Variants in PRKDC observed in about 807,000 individuals in gnomAD.
PRKDC encodes the protein DNA-dependent protein kinase catalytic subunit.
Under a neutral mutation model 486.9 loss-of-function variants are expected in PRKDC, and 82 were observed. That is an observed-to-expected ratio of 0.17 (90% CI 0.14 to 0.20). The LOEUF (loss-of-function observed/expected upper bound fraction) is 0.20. Among genes scored for constraint, PRKDC ranks in the 10% least tolerant of loss-of-function variants. PRKDC has a pLI of 1.00. For missense variants in PRKDC, 4,504 were observed against 5,038.2 expected (o/e 0.89, Z 3.21); for synonymous variants, 1,895 against 1,837.0 (o/e 1.03, Z -0.81).
chr8:47,876,541 A>C (rs2089095743), intron 40 of PRKDC, among the ~76,000 whole-genome samples: 1 of 151,950 alleles, frequency 6.6e-6, no homozygotes, highest in African/African-American at 2.4e-5. Context: ...TGTGCCTGTA[A>C]TCCCAGCTAC....
intron 25 of PRKDC, among the ~76,000 whole-genome samples, chr8:47,910,019 C>T (rs746746127): frequency 3.9e-5 from 6 of 152,132 alleles, no homozygotes; most frequent in South Asian, 2.1e-4. Flanking sequence ...TTCATATACC[C>T]GCTCCTCTTT....
intron 28 of PRKDC, 125 bp from the exon 29 acceptor site, chr8:47,898,694 T>A (rs2089627108): frequency 5.6e-6 from 3 of 535,430 alleles, no homozygotes; most frequent in Non-Finnish European, 9.0e-6. Context: ...AGATTTAATA[T>A]GTTTTCATCC....
chr8:47,793,970 C>G (rs1370777127), intron 74 of PRKDC, among the ~76,000 whole-genome samples: 4 of 152,126 alleles, frequency 2.6e-5, no homozygotes, highest in African/African-American at 4.8e-5. Flanking sequence ...AAGGAAGAGT[C>G]GTTCTGTGTA....
rs1279269668 is a variant in PRKDC at position 47,831,876 on chromosome 8, C to A, written c.8203G>T (p.Asp2735Tyr). 1.2e-6 allele frequency: 2 copies of A among 1,613,876 alleles called. No individual in the cohort carries two copies. The highest frequency in any genetic ancestry group is 1.3e-5 in the African/African-American group (1 of 74,938). The change falls in exon 60 of 86, where the codon GAC becomes TAC. Residue 2735 changes from aspartate to tyrosine, a missense_variant. Asp to Tyr is a radical substitution (Grantham distance 160). Coordinates refer to ENST00000314191, the MANE Select transcript of PRKDC (RefSeq NM_006904.7). ...TACATCAAACTGAGCTTCTCCTGGTCCCTCATAAACCGTCTGCGCAGTCGT... is the reference window on the plus strand; with the variant it reads ...TACATCAAACTGAGCTTCTCCTGGTACCTCATAAACCGTCTGCGCAGTCGT... ...LLRLRRRFMR[D>Y]QEKLSLMYAR...
intron 80 of PRKDC, among the ~76,000 whole-genome samples, chr8:47,780,681 T>C (rs139135316): frequency 1.4e-3 from 211 of 152,310 alleles, no homozygotes; most frequent in Middle Eastern, 0.01. Context: ...GGCTCAGGCC[T>C]GTAATCCCAG....
At chr8:47,850,713 T>C (rs1387473044) in intron 52 of PRKDC, among the ~76,000 whole-genome samples, 1 of 152,206 alleles carries the variant, frequency 6.6e-6, no homozygotes, top group Admixed American at 6.5e-5. Context: ...AAGCAAGTTA[T>C]AAAACAGTAT....
intron 85 of PRKDC, among the ~76,000 whole-genome samples, chr8:47,775,364 ATTTTTT>A (rs761373021): frequency 1.1e-5 from 1 of 87,574 alleles, no homozygotes; most frequent in Non-Finnish European, 2.1e-5. Flanking sequence ...TCTTTTGACC[ATTTTTT>A]TTTTTTTTTT....
At chr8:47,808,397 G>A (rs2087257979) in intron 68 of PRKDC, among the ~76,000 whole-genome samples, 1 of 152,124 alleles carries the variant, frequency 6.6e-6, no homozygotes, top group Non-Finnish European at 1.5e-5. Context: ...CCTTCTAAAG[G>A]CTGGGATTAC....
At chr8:47,925,243 CA>C in intron 21 of PRKDC, among the ~76,000 whole-genome samples, 1 of 152,334 alleles carries the variant, frequency 6.6e-6, no homozygotes, top group South Asian at 2.1e-4. Context: ...CTGACAACCA[CA>C]AAAAGATGAT....
chr8:47,919,566 T>C (rs1245572516), intron 21 of PRKDC, among the ~76,000 whole-genome samples: 1 of 152,174 alleles, frequency 6.6e-6, no homozygotes, highest in Non-Finnish European at 1.5e-5. Flanking sequence ...CTGCCGGTGG[T>C]TTAACTCCAG....
intron 76 of PRKDC, among the ~76,000 whole-genome samples, chr8:47,788,096 T>C (rs1164536649): frequency 6.6e-6 from 1 of 152,142 alleles, no homozygotes; most frequent in Non-Finnish European, 1.5e-5. Context: ...TAAAAGTAAT[T>C]TTGACAAAAA....
At chr8:47,839,608 AC>A (rs2088098720) in intron 55 of PRKDC, among the ~76,000 whole-genome samples, 1 of 152,234 alleles carries the variant, frequency 6.6e-6, no homozygotes, top group African/African-American at 2.4e-5. Flanking sequence ...ACAACACCAC[AC>A]TTTTTCACTC....
intron 85 of PRKDC, among the ~76,000 whole-genome samples, chr8:47,776,427 T>C (rs914817424): frequency 1.3e-5 from 2 of 152,186 alleles, no homozygotes; most frequent in Admixed American, 1.3e-4. Flanking sequence ...CCAACCCAAA[T>C]TGAATTCTCA....
At chr8:47,929,051 A>G (rs2090205333) in intron 19 of PRKDC, 41 bp downstream of exon 19, 1 of 1,326,644 alleles carries the variant, frequency 7.5e-7, no homozygotes, top group Non-Finnish European at 1.0e-6. Flanking sequence ...TCATTTAAAA[A>G]CAGTTCATGA....
chr8:47,908,138 C>T (rs2089826705), intron 25 of PRKDC, among the ~76,000 whole-genome samples: 1 of 152,238 alleles, frequency 6.6e-6, no homozygotes, highest in African/African-American at 2.4e-5. Context: ...TGTGTCGCCC[C>T]ACCAACCATG....
In PRKDC at chr8:47,929,898, C is replaced by T. The variant is rs958704532; in HGVS notation, c.2007G>A (p.Leu669=). The change falls in exon 18 of 86, where the codon TTG becomes TTA. Residue 669 remains leucine, a synonymous_variant. Coordinates refer to ENST00000314191, the MANE Select transcript of PRKDC (RefSeq NM_006904.7). The stretch of plus-strand genomic sequence containing the variant: ...TGGCATTTCTTACTGTAATAGAAAG[C>T]AATTTGTAGAAACCACTGATGAGGG... ...RLPLISGFYK[L]LSITVRNAKK... 1 of 1,605,074 alleles carries T rather than the reference C, an allele frequency of 6.2e-7. No individual in the cohort carries two copies. Among genetic ancestry groups the T allele is most frequent in the African/African-American group, 1.3e-5 (1 of 74,420 alleles).
chr8:47,871,061 A>G (rs2088940341), intron 40 of PRKDC, among the ~76,000 whole-genome samples: 1 of 152,200 alleles, frequency 6.6e-6, no homozygotes, highest in Non-Finnish European at 1.5e-5. Flanking sequence ...AGAATAAAAA[A>G]CAATGAAGCA....
At chr8:47,910,063 G>A (rs1203399383) in intron 25 of PRKDC, among the ~76,000 whole-genome samples, 2 of 152,122 alleles carry the variant, frequency 1.3e-5, no homozygotes, top group Non-Finnish European at 2.9e-5. Flanking sequence ...TGGTTTTGCG[G>A]CTCGGGGTTG....
At chr8:47,841,617 G>A (rs2154499923) in intron 54 of PRKDC, among the ~76,000 whole-genome samples, 1 of 152,352 alleles carries the variant, frequency 6.6e-6, no homozygotes, top group East Asian at 1.9e-4. Context: ...CAGGAATACA[G>A]AGCTGAGATC....
Sources: allele counts gnomAD v4.1 joint callset (sites outside exome capture counted in the v4.1 genomes callset), GRCh38; gene constraint gnomAD v4.1.1; transcripts MANE v1.5; gene names NCBI Gene and HGNC (gene_info 2026-07-23, HGNC 2026-07-21).